The following TGIF1 variants were observed in gnomAD, a reference collection of about 807,000 sequenced individuals.
The protein encoded by TGIF1 is homeobox protein TGIF1.
In TGIF1, 4 loss-of-function variants were observed where a neutral mutation model predicts 19.3. The observed-to-expected ratio is 0.21, with a 90% CI of 0.10 to 0.47. The LOEUF (loss-of-function observed/expected upper bound fraction) is 0.47, where lower values mean the gene tolerates loss of function less well. Ranked by LOEUF, TGIF1 falls within the 20% of genes least tolerant of loss-of-function variation. The pLI, the probability that TGIF1 is intolerant of heterozygous loss-of-function variation, is 0.98. For missense variants in TGIF1, 275 were observed against 341.4 expected, an observed-to-expected ratio of 0.81 and a Z score of 1.53; for synonymous variants, 122 against 129.3, an observed-to-expected ratio of 0.94 and a Z score of 0.38.
chr18:3,453,708 A>G (rs80173835), intron 1 of TGIF1: 3 of 587,780 alleles, frequency 5.1e-6, no homozygotes, highest in Non-Finnish European at 6.4e-6. Flanking sequence ...AAAAAAAAAA[A>G]GAACGTGCAG....
intron 2 of TGIF1, among the ~76,000 whole-genome samples, chr18:3,432,650 G>A (rs181733017): frequency 2.0e-5 from 3 of 152,312 alleles, no homozygotes; most frequent in East Asian, 3.9e-4. Flanking sequence ...TATATGTAGT[G>A]TGTGCGCCTG....
In TGIF1 at chr18:3,457,325, T is replaced by G; in HGVS notation, c.244-40T>G. The G allele has an allele frequency of 6.2e-7, 1 of 1,607,240 alleles. No homozygotes were observed. Among genetic ancestry groups the G allele is most frequent in the Non-Finnish European group, 8.5e-7 (1 of 1,174,974 alleles). ...ACATTCTCAGAACCCGTTGGCTGAG[T>G]GAATGAGGAAAATGTTAAAGCGTAC... On this transcript the variant is annotated intron_variant, in intron 2 of 2. Coordinates refer to ENST00000343820, the MANE Select transcript of TGIF1 (RefSeq NM_003244.4). The surrounding 1 kb of genome is among the most constrained non-coding windows in gnomAD (Gnocchi z 4.9).
chr18:3,443,286 G>A (rs2082696841), intron 2 of TGIF1, among the ~76,000 whole-genome samples: 1 of 152,152 alleles, frequency 6.6e-6, no homozygotes, highest in Non-Finnish European at 1.5e-5. Flanking sequence ...GAAAATAAAT[G>A]AAAAAGCAAA....
intron 2 of TGIF1, among the ~76,000 whole-genome samples, chr18:3,422,077 C>T (rs1175631447): frequency 6.6e-6 from 1 of 151,578 alleles, no homozygotes; most frequent in African/African-American, 2.4e-5. Context: ...ACCTGTAATC[C>T]TAGCTACTCA....
intron 2 of TGIF1, among the ~76,000 whole-genome samples, chr18:3,440,707 C>T (rs571433433): frequency 7.9e-4 from 121 of 152,278 alleles, no homozygotes; most frequent in African/African-American, 2.7e-3. Context: ...GAGAACGAAA[C>T]GTAAATGTCC....
In TGIF1 at chr18:3,456,673, C is replaced by G. The variant is rs1328279432; in HGVS notation, c.243+93C>G. On this transcript the variant is annotated intron_variant, in intron 2 of 2. Transcript: ENST00000343820. This position sits in a 1 kb window ranked among gnomAD's most constrained non-coding sequence, Gnocchi z 4.2. ...TGTGTCAAGTCATTAAGCTCCTTGC[C>G]ACTCAAAGACAGAAGGAATATCTTT... The G allele has an allele frequency of 2.8e-6, 3 of 1,084,240 alleles. No individual in the cohort carries two copies. The East Asian group carries it at 7.2e-5, about 26-fold the overall frequency. 67.2% of individuals were successfully genotyped at this position (1,084,240 alleles called of 1,614,324 possible). A position where few individuals can be genotyped will look rare whatever the true frequency, so the allele number is the denominator to read the frequency against.
At chr18:3,414,480 A>C (rs149746705) in intron 1 of TGIF1, among the ~76,000 whole-genome samples, 1 of 152,170 alleles carries the variant, frequency 6.6e-6, no homozygotes, top group Non-Finnish European at 1.5e-5. Flanking sequence ...GCCAGAGTTC[A>C]TCTCTAAGTC....
chr18:3,448,229 G>A, upstream of TGIF1: 1 of 985,398 alleles, frequency 1.0e-6, no homozygotes, highest in South Asian at 4.7e-5. Flanking sequence ...TCAGGCCGCG[G>A]AGTCGCAGCG....
chr18:3,421,406 A>AT (rs2082395704), intron 2 of TGIF1, among the ~76,000 whole-genome samples: 1 of 147,112 alleles, frequency 6.8e-6, no homozygotes, highest in Admixed American at 6.9e-5. Context: ...TAGTATATAA[A>AT]ATATATATAT....
intron 2 of TGIF1, among the ~76,000 whole-genome samples, chr18:3,424,999 A>T (rs1338913190): frequency 1.3e-5 from 2 of 152,136 alleles, no homozygotes; most frequent in Non-Finnish European, 2.9e-5. Context: ...AATTAATCAA[A>T]CCTGTGGAAG....
chr18:3,427,214 G>A (rs1175646795), intron 2 of TGIF1, among the ~76,000 whole-genome samples: 1 of 152,028 alleles, frequency 6.6e-6, no homozygotes, highest in East Asian at 1.9e-4. Flanking sequence ...AAAGTGCTGG[G>A]ATTACAGGCG....
chr18:3,422,188 C>T (rs1258499664), intron 2 of TGIF1, among the ~76,000 whole-genome samples: 5 of 60,414 alleles, frequency 8.3e-5, no homozygotes, highest in South Asian at 4.5e-4. Context: ...AGTGAGACAC[C>T]GTAAAAAAAA....
intron 1 of TGIF1, among the ~76,000 whole-genome samples, chr18:3,412,491 C>T (rs1467860644): frequency 6.6e-6 from 1 of 152,172 alleles, no homozygotes; most frequent in Non-Finnish European, 1.5e-5. Context: ...CCCCTGCTAC[C>T]TGGGAGGTGA....
chr18:3,413,768 G>T (rs1394766595), intron 1 of TGIF1, among the ~76,000 whole-genome samples: 5 of 151,922 alleles, frequency 3.3e-5, no homozygotes, highest in Admixed American at 6.6e-5. Context: ...TCTCCTTCAT[G>T]GTTTTAACTG....
At chr18:3,422,690 T>TTG (rs1568029599) in intron 2 of TGIF1, among the ~76,000 whole-genome samples, 100 of 137,902 alleles carry the variant, frequency 7.3e-4, no homozygotes, top group African/African-American at 2.5e-3. Flanking sequence ...TTTTTTTTTT[T>TTG]TTTTTTTTTT....
chr18:3,451,133 A>T lies in TGIF1; in HGVS notation c.16+628A>T, dbSNP rs1568047101. On this transcript the variant is annotated intron_variant, in intron 1 of 2. Transcript: ENST00000343820. This position sits in a 1 kb window ranked among gnomAD's most constrained non-coding sequence, Gnocchi z 5.4. ...ACTTTTACAAATCCCCAGTCTCTAA[A>T]AGTTTTCCCACGATGAATTTTGGGG... Among the ~76,000 whole-genome samples, 1 of 152,156 alleles carries T rather than the reference A, an allele frequency of 6.6e-6. No homozygotes were observed. The highest frequency in any genetic ancestry group is 1.9e-4 in the East Asian group (1 of 5,192).
chr18:3,425,971 GC>G (rs938084797), intron 2 of TGIF1, among the ~76,000 whole-genome samples: 7 of 151,762 alleles, frequency 4.6e-5, no homozygotes, highest in African/African-American at 1.5e-4. Context: ...GCCCTGCCCT[GC>G]CCCCGCCCCA....
At chr18:3,426,351 T>C (rs754744182) in intron 2 of TGIF1, among the ~76,000 whole-genome samples, 10 of 152,024 alleles carry the variant, frequency 6.6e-5, no homozygotes, top group Non-Finnish European at 1.5e-4. Flanking sequence ...GTGTTTTGTA[T>C]AGAGACAGGG....
upstream of TGIF1, among the ~76,000 whole-genome samples, chr18:3,445,862 G>A (rs2082738975): frequency 6.8e-6 from 1 of 147,732 alleles, no homozygotes; most frequent in Non-Finnish European, 1.5e-5. Flanking sequence ...ACAGTGTTCA[G>A]GAGGCCCTGG....
Sources: allele counts gnomAD v4.1 joint callset (sites outside exome capture counted in the v4.1 genomes callset), GRCh38; gene constraint gnomAD v4.1.1; non-coding constraint Gnocchi (gnomAD v3.1); transcripts MANE v1.5; gene names NCBI Gene and HGNC (gene_info 2026-07-23, HGNC 2026-07-21).